The following CYP2C19 variants were observed in gnomAD, a reference collection of about 807,000 sequenced individuals.
The protein encoded by CYP2C19 is cytochrome P450 2C19.
CYP2C19 carries 59 observed loss-of-function variants against 40.9 expected under a neutral mutation model. The observed-to-expected ratio is 1.44, with a 90% CI of 1.17 to 1.79. CYP2C19 has a LOEUF of 1.79. Ranked by LOEUF, CYP2C19 falls within the 40% of genes most tolerant of loss-of-function variation. The probability of loss-of-function intolerance (pLI) is 0.00; values close to 1 mark genes in which losing one functional copy is unlikely to be tolerated. For synonymous variants in CYP2C19, 253 were observed against 208.7 expected (o/e 1.21, Z -1.83); for missense variants, 754 against 596.9 (o/e 1.26, Z -2.74).
At chr10:94,776,014 G>T (rs1332992070) in intron 3 of CYP2C19, 2 of 172,508 alleles carry the variant, frequency 1.2e-5, no homozygotes, top group African/African-American at 2.4e-5. Flanking sequence ...TCACTGACTT[G>T]TCTAGGGTTT....
chr10:94,850,279 A>C (rs762771543), intron 8 of CYP2C19, among the ~76,000 whole-genome samples: 3 of 152,168 alleles, frequency 2.0e-5, no homozygotes, highest in Non-Finnish European at 2.9e-5. Context: ...AAATTGAGAA[A>C]GCTGAAGTAT....
At chr10:94,785,597 T>A (rs948610777) in intron 5 of CYP2C19, among the ~76,000 whole-genome samples, 5 of 152,176 alleles carry the variant, frequency 3.3e-5, no homozygotes, top group African/African-American at 4.8e-5. Flanking sequence ...AACTGAGAAC[T>A]CACTGATACA....
intron 6 of CYP2C19, among the ~76,000 whole-genome samples, chr10:94,831,767 A>G (rs1472137759): frequency 2.6e-5 from 4 of 152,164 alleles, no homozygotes; most frequent in African/African-American, 7.2e-5. Context: ...TTTTTTCTAT[A>G]GAGTTACTTA....
rs935348670 is a variant in CYP2C19, at chr10:94,834,237, T to C, written c.962-8600T>C. 5.3e-5 allele frequency among the ~76,000 whole-genome samples: 8 copies of C among 152,332 alleles called. No homozygotes were observed. The South Asian group carries it at 1.2e-3, about 24-fold the overall frequency. On this transcript the variant is annotated intron_variant, in intron 6 of 8. Coordinates refer to ENST00000371321, the MANE Select transcript of CYP2C19 (RefSeq NM_000769.4). ...CCTGGTTCAATCTCAATAGGTCATA[T>C]ATGTCTAAGGATTTGTCCATTTCTT...
rs17878682 is a variant in CYP2C19 at position 94,763,222 on chromosome 10, G to A, written c.168+349G>A. Among the ~76,000 whole-genome samples the A allele has an allele frequency of 4.6e-3, 707 of 152,218 alleles. 3 individuals carry two copies. Among genetic ancestry groups the A allele is most frequent in the African/African-American group, 0.016 (684 of 41,556 alleles). The stretch of plus-strand genomic sequence containing the variant: ...TGTTATTAGAGATTTTATTAAATAA[G>A]TCCTCTACTATATTAGCCATGTGTT... On this transcript the variant is annotated intron_variant, in intron 1 of 8. Transcript: ENST00000371321.
At chr10:94,812,266 C>T (rs901991842) in intron 5 of CYP2C19, among the ~76,000 whole-genome samples, 3 of 152,184 alleles carry the variant, frequency 2.0e-5, no homozygotes, top group African/African-American at 4.8e-5. Context: ...ACAGGCTTCC[C>T]TTGGTGGTAA....
intron 2 of CYP2C19, 84 bp downstream of exon 2, chr10:94,775,304 C>T: frequency 6.2e-7 from 1 of 1,612,452 alleles, no homozygotes; most frequent in African/African-American, 1.3e-5. Context: ...TCGGGCAGAG[C>T]TTGGCCCATC....
intron 1 of CYP2C19, among the ~76,000 whole-genome samples, chr10:94,773,024 AC>A (rs1413363727): frequency 1.3e-5 from 2 of 150,574 alleles, no homozygotes; most frequent in Admixed American, 6.6e-5. Flanking sequence ...CTCATGATCC[AC>A]CCGCCTCGGC....
At chr10:94,767,429 C>A (rs972094169) in intron 1 of CYP2C19, among the ~76,000 whole-genome samples, 1 of 152,170 alleles carries the variant, frequency 6.6e-6, no homozygotes, top group Admixed American at 6.5e-5. Context: ...ACTTTCTCAG[C>A]CTTCTCTGTC....
chr10:94,844,372 A>C (rs180987404), intron 7 of CYP2C19, among the ~76,000 whole-genome samples: 147 of 152,324 alleles, frequency 9.7e-4, no homozygotes, highest in Non-Finnish European at 1.2e-3. Flanking sequence ...ATGTGAACCC[A>C]GTCGAAAATT....
intron 6 of CYP2C19, among the ~76,000 whole-genome samples, chr10:94,839,608 T>C (rs1459619284): frequency 6.6e-6 from 1 of 152,260 alleles, no homozygotes. Context: ...TTGAATCTTT[T>C]GAGTCAGGAT....
intron 5 of CYP2C19, among the ~76,000 whole-genome samples, chr10:94,816,503 TTTTG>T (rs1271273397): frequency 2.6e-5 from 4 of 152,140 alleles, no homozygotes; most frequent in African/African-American, 4.8e-5. Context: ...TTAAATTCTC[TTTTG>T]TTTAACAGTC....
At chr10:94,805,619 C>T (rs1467458460) in intron 5 of CYP2C19, among the ~76,000 whole-genome samples, 1 of 152,192 alleles carries the variant, frequency 6.6e-6, no homozygotes, top group African/African-American at 2.4e-5. Flanking sequence ...CATTGTAGAT[C>T]ATGCCTGTAA....
At chr10:94,838,606 T>C (rs1252435484) in intron 6 of CYP2C19, among the ~76,000 whole-genome samples, 1 of 152,122 alleles carries the variant, frequency 6.6e-6, no homozygotes, top group Non-Finnish European at 1.5e-5. Context: ...ACTCTTTGGT[T>C]CATTATTTAC....
intron 1 of CYP2C19, among the ~76,000 whole-genome samples, chr10:94,770,189 C>T (rs1848308111): frequency 6.6e-6 from 1 of 152,112 alleles, no homozygotes; most frequent in South Asian, 2.1e-4. Flanking sequence ...CTGGCACTTA[C>T]CCTGGGCACC....
intron 8 of CYP2C19, among the ~76,000 whole-genome samples, chr10:94,852,109 A>C (rs529450483): frequency 4.6e-5 from 7 of 152,122 alleles, no homozygotes; most frequent in Non-Finnish European, 1.0e-4. Context: ...CCTAGAGTTG[A>C]GAGTAGGGGA....
chr10:94,850,094 A>G, intron 8 of CYP2C19, 36 bp downstream of exon 8: 2 of 1,611,646 alleles, frequency 1.2e-6, no homozygotes, highest in Non-Finnish European at 1.7e-6. Context: ...GTTTCAGGGT[A>G]CAAGATAACT....
chr10:94,767,307 T>C (rs769637086), intron 1 of CYP2C19, among the ~76,000 whole-genome samples: 2 of 152,320 alleles, frequency 1.3e-5, no homozygotes, highest in East Asian at 1.9e-4. Context: ...GTATCCCTAG[T>C]GCCCTGGAAA....
intron 5 of CYP2C19, among the ~76,000 whole-genome samples, chr10:94,808,544 T>A (rs1848868066): frequency 6.6e-6 from 1 of 152,138 alleles, no homozygotes; most frequent in Non-Finnish European, 1.5e-5. Context: ...ATTATAACTA[T>A]TTTTGTACCA....
Sources: gnomAD v4.1 joint callset for allele counts (sites outside exome capture counted in the v4.1 genomes callset) on GRCh38, gnomAD v4.1.1 for gene constraint, MANE v1.5 for transcripts, NCBI Gene and HGNC (gene_info 2026-07-23, HGNC 2026-07-21) for gene names.